The following PALLD variants were observed in gnomAD, a reference collection of about 807,000 sequenced individuals.
PALLD encodes palladin.
PALLD carries 61 observed loss-of-function variants against 123.5 expected under a neutral mutation model. That is an observed-to-expected ratio of 0.49 (90% CI 0.40 to 0.61). The LOEUF is 0.61. Ranked by LOEUF, PALLD falls within the 20% of genes least tolerant of loss-of-function variation. The pLI, the probability that PALLD is intolerant of heterozygous loss-of-function variation, is 0.00. For missense variants in PALLD, 1,273 were observed against 1,377.0 expected (o/e 0.92, Z 1.20); for synonymous variants, 465 against 496.4 (o/e 0.94, Z 0.84).
At chr4:168,740,115 TA>T (rs368981755) in intron 10 of PALLD, among the ~76,000 whole-genome samples, 3,665 of 148,756 alleles carry the variant, frequency 0.025, 127 homozygotes, top group African/African-American at 0.075. Context: ...GCTTCCTGTA[TA>T]AAAAAAAAAC....
At chr4:168,810,386 G>A (rs149025362) in intron 10 of PALLD, among the ~76,000 whole-genome samples, 137 of 152,310 alleles carry the variant, frequency 9.0e-4, no homozygotes, top group African/African-American at 2.9e-3. Flanking sequence ...TGAGCATGGT[G>A]GCTCATGCCT....
At chr4:168,880,046 A>G (rs1339384516) in intron 10 of PALLD, among the ~76,000 whole-genome samples, 2 of 152,186 alleles carry the variant, frequency 1.3e-5, no homozygotes, top group African/African-American at 4.8e-5. Flanking sequence ...AATCTGTTCT[A>G]ATATTTCTCT....
intron 10 of PALLD, among the ~76,000 whole-genome samples, chr4:168,716,480 A>G (rs1785379312): frequency 6.6e-6 from 1 of 152,332 alleles, no homozygotes; most frequent in Non-Finnish European, 1.5e-5. Context: ...AAGAAACAGT[A>G]TTATGATTTT....
At chr4:168,916,407 C>G (rs942773268) in intron 17 of PALLD, among the ~76,000 whole-genome samples, 10 of 151,942 alleles carry the variant, frequency 6.6e-5, no homozygotes, top group African/African-American at 2.2e-4. Context: ...AAGACCCTGT[C>G]TCAAAAAATG....
At chr4:168,498,275 G>C (rs1166819848) in intron 1 of PALLD, among the ~76,000 whole-genome samples, 1 of 152,158 alleles carries the variant, frequency 6.6e-6, no homozygotes, top group Non-Finnish European at 1.5e-5. Context: ...TGGCATCCTA[G>C]AATCTGGTAT....
intron 10 of PALLD, among the ~76,000 whole-genome samples, chr4:168,790,320 C>G (rs142995977): frequency 0.028 from 4,312 of 152,154 alleles, 190 homozygotes; most frequent in African/African-American, 0.097. Flanking sequence ...TGCCACCATG[C>G]CTGGCTAATT....
chr4:168,571,613 T>C (rs1413654423), intron 2 of PALLD, among the ~76,000 whole-genome samples: 1 of 152,176 alleles, frequency 6.6e-6, no homozygotes, highest in Admixed American at 6.5e-5. Flanking sequence ...TGTAAAACTA[T>C]AGAAGTCAAG....
intron 10 of PALLD, among the ~76,000 whole-genome samples, chr4:168,824,134 A>G (rs1438069074): frequency 6.6e-6 from 1 of 152,230 alleles, no homozygotes; most frequent in Non-Finnish European, 1.5e-5. Context: ...AAATTGAGGT[A>G]ATGATTTACA....
intron 18 of PALLD, among the ~76,000 whole-genome samples, chr4:168,923,890 A>G (rs774591521): frequency 6.6e-6 from 1 of 150,558 alleles, no homozygotes; most frequent in Non-Finnish European, 1.5e-5. Context: ...ACTAGGTGGC[A>G]GTAGTTGGTT....
chr4:168,752,379 AC>A (rs1731178670), intron 10 of PALLD, among the ~76,000 whole-genome samples: 1 of 152,126 alleles, frequency 6.6e-6, no homozygotes, highest in South Asian at 2.1e-4. Context: ...AACAAAACAA[AC>A]CAAAAAGTCT....
chr4:168,618,975 A>T (rs1230832533), intron 2 of PALLD, among the ~76,000 whole-genome samples: 4 of 152,232 alleles, frequency 2.6e-5, no homozygotes, highest in Non-Finnish European at 4.4e-5. Flanking sequence ...CATCCATCAG[A>T]TCTAGATGTT....
intron 2 of PALLD, 42 bp downstream of exon 2, chr4:168,512,454 C>T: frequency 6.5e-7 from 1 of 1,543,864 alleles, no homozygotes; most frequent in Non-Finnish European, 8.9e-7. Flanking sequence ...ATCTTGTTGA[C>T]TTTGGTGTTA....
chr4:168,609,983 A>C (rs1773574998), intron 2 of PALLD, among the ~76,000 whole-genome samples: 1 of 152,080 alleles, frequency 6.6e-6, no homozygotes, highest in Non-Finnish European at 1.5e-5. Flanking sequence ...CCTACTTGCT[A>C]ATTCATTTTT....
chr4:168,766,670 G>T (rs945528900), intron 10 of PALLD, among the ~76,000 whole-genome samples: 1 of 152,228 alleles, frequency 6.6e-6, no homozygotes, highest in African/African-American at 2.4e-5. Context: ...ATGGGAATTG[G>T]TTCAGTGCTT....
intron 2 of PALLD, among the ~76,000 whole-genome samples, chr4:168,549,526 C>T (rs922287245): frequency 4.3e-4 from 66 of 152,204 alleles, no homozygotes; most frequent in African/African-American, 1.4e-3. Context: ...TTTATTTCTA[C>T]GGATTTTTCA....
intron 2 of PALLD, among the ~76,000 whole-genome samples, chr4:168,526,238 A>G (rs1764031799): frequency 6.6e-6 from 1 of 152,274 alleles, no homozygotes; most frequent in African/African-American, 2.4e-5. Flanking sequence ...TTGACCCTTC[A>G]TGGGGTCATC....
intron 1 of PALLD, chr4:168,506,007 G>T (rs1761964213): frequency 6.6e-6 from 1 of 152,256 alleles, no homozygotes; most frequent in Admixed American, 6.5e-5. Flanking sequence ...TTCCAACCCA[G>T]CATATATGTC....
At chr4:168,602,522 G>T (rs376939335) in intron 2 of PALLD, among the ~76,000 whole-genome samples, 93 of 152,292 alleles carry the variant, frequency 6.1e-4, no homozygotes, top group African/African-American at 1.9e-3. Context: ...CAGAAATATT[G>T]CCAGGTATGA....
intron 2 of PALLD, among the ~76,000 whole-genome samples, chr4:168,649,917 G>A (rs959614877): frequency 3.9e-5 from 6 of 152,172 alleles, no homozygotes; most frequent in South Asian, 4.1e-4. Flanking sequence ...GGTGGCTCAC[G>A]CCTGTAATCC....
Sources: allele counts gnomAD v4.1 joint callset (sites outside exome capture counted in the v4.1 genomes callset), GRCh38; gene constraint gnomAD v4.1.1; transcripts MANE v1.5; gene names NCBI Gene and HGNC (gene_info 2026-07-23, HGNC 2026-07-21).